Variants in OR2T1 observed in about 807,000 individuals in gnomAD.
OR2T1 encodes olfactory receptor family 2 subfamily T member 1, also known as olfactory receptor 2T1.
For missense variants in OR2T1, 440 were observed against 390.2 expected (o/e 1.13, Z -1.07); for synonymous variants, 186 against 145.4 (o/e 1.28, Z -2.01).
chr1:248,406,239 C>G lies in OR2T1; in HGVS notation c.92C>G (p.Ser31Cys), dbSNP rs142206098. The change falls in exon 2 of 2, where the codon TCT becomes TGT. Residue 31 changes from serine (S) to cysteine (C), a missense_variant. Physicochemically the swap from Ser to Cys is moderately radical, Grantham distance 112. Coordinates refer to ENST00000642005, the MANE Select transcript of OR2T1 (RefSeq NM_030904.2). ...TCAGGTCTTATTTTTGCCATCATCT[C>G]TATCATCTTCTTCACCGCACTGATG... Reference protein sequence around the residue: ...ETSGLIFAIISIIFFTALMAN... With the variant: ...ETSGLIFAIICIIFFTALMAN... 1.9e-5 allele frequency: 30 copies of G among 1,614,138 alleles called. No individual in the cohort carries two copies. In the African/African-American group the frequency reaches 3.5e-4, roughly 19 times the overall value.
At chr1:248,404,296 T>C (rs915287403) in intron 1 of OR2T1, among the ~76,000 whole-genome samples, 1 of 22 alleles carries the variant, frequency 0.045, no homozygotes, top group Non-Finnish European at 0.1. Context: ...CTGTTTCTGG[T>C]GTCTTATCGC....
chr1:248,406,863 C>CT lies in OR2T1; in HGVS notation c.718dup (p.Cys240LeufsTer53), dbSNP rs753206477. On this transcript the variant is annotated frameshift_variant, in exon 2 of 2. Transcript: ENST00000642005. LOFTEE classifies it low-confidence loss of function (END_TRUNC). Reference sequence around the variant, plus strand: ...GAGGGCAGGAAGAAGGCATTTGCCACTTGCTCATCCCACATGACTGTGGTG... The same window carrying CT: ...GAGGGCAGGAAGAAGGCATTTGCCACTTTGCTCATCCCACATGACTGTGGTG... The CT allele has an allele frequency of 1.2e-6, 2 of 1,614,162 alleles. No individual in the cohort carries two copies. Among genetic ancestry groups the CT allele is most frequent in the Non-Finnish European group, 1.7e-6 (2 of 1,180,008 alleles).
rs370747210 is a variant in OR2T1, at chr1:248,406,890, C to G, written c.743C>G (p.Ser248Cys). Residue 248 changes from serine (S) to cysteine (C), a missense_variant, in exon 2 of 2, where the codon TCC becomes TGC. Ser to Cys is a moderately radical substitution (Grantham distance 112). Transcript: ENST00000642005. ...ATCSSHMTVV[S>C]LFYGAAMYTY... Reference sequence around the variant, plus strand: ...TGCTCATCCCACATGACTGTGGTGTCCTTGTTCTACGGGGCTGCCATGTAC... The same window carrying G: ...TGCTCATCCCACATGACTGTGGTGTGCTTGTTCTACGGGGCTGCCATGTAC... 6.2e-7 allele frequency: 1 copy of G among 1,613,948 alleles called. No homozygotes were observed. Among genetic ancestry groups the G allele is most frequent in the African/African-American group, 1.3e-5 (1 of 74,924 alleles).
Position 248,406,152 on chromosome 1 carries a change from A to C in OR2T1, c.5A>C (p.Glu2Ala), listed in dbSNP as rs752216342. The C allele has an allele frequency of 6.2e-7, 1 of 1,614,054 alleles. No individual in the cohort carries two copies. The highest frequency in any genetic ancestry group is 2.2e-5 in the East Asian group (1 of 44,882). ...ATCGGCACAACTGTAGGATCAATGG[A>C]AGAGTACAACACATCCTCTACAGAC... M[E>A]EYNTSSTDFT... Residue 2 changes from glutamate (E) to alanine (A), a missense_variant, in exon 2 of 2, where the codon GAA becomes GCA. By Grantham distance (107) the Glu-to-Ala change is moderately radical. Transcript: ENST00000642005.
chr1:248,404,197 T>G (rs1661499476), intron 1 of OR2T1, among the ~76,000 whole-genome samples: 1 of 178 alleles, frequency 5.6e-3, no homozygotes, highest in African/African-American at 0.017. Context: ...TACATATACG[T>G]GTGTGTGTGT....
intron 1 of OR2T1, chr1:248,405,878 T>G: frequency 1.2e-6 from 1 of 830,042 alleles, no homozygotes; most frequent in Non-Finnish European, 1.9e-6. Flanking sequence ...ATCATCGTAA[T>G]ACAGTATCAT....
chr1:248,406,898 T>C lies in OR2T1; in HGVS notation c.751T>C (p.Tyr251His). 6.2e-7 allele frequency: 1 copy of C among 1,614,118 alleles called. No individual in the cohort carries two copies. Among genetic ancestry groups the C allele is most frequent in the Non-Finnish European group, 8.5e-7 (1 of 1,179,980 alleles). ...SSHMTVVSLF[Y>H]GAAMYTYMLP... is the part of the protein sequence containing the mutation. ...CCACATGACTGTGGTGTCCTTGTTCTACGGGGCTGCCATGTACACCTACAT... is the reference window on the plus strand; with the variant it reads ...CCACATGACTGTGGTGTCCTTGTTCCACGGGGCTGCCATGTACACCTACAT... The change falls in exon 2 of 2, where the codon TAC becomes CAC. Residue 251 changes from tyrosine to histidine, a missense_variant. By Grantham distance (83) the Tyr-to-His change is moderately conservative. Coordinates refer to ENST00000642005, the MANE Select transcript of OR2T1 (RefSeq NM_030904.2).
intron 1 of OR2T1, among the ~76,000 whole-genome samples, chr1:248,405,196 G>A (rs760023703): frequency 6.6e-6 from 1 of 152,104 alleles, no homozygotes; most frequent in Non-Finnish European, 1.5e-5. Flanking sequence ...CTTAAACAAT[G>A]TGAAAAATCA....
Position 248,404,546 on chromosome 1 carries a change from T to TTATATA in OR2T1, c.-34+1310_-34+1315dup, listed in dbSNP as rs1224274738. Among the ~76,000 whole-genome samples the TTATATA allele has an allele frequency of 6.9e-3, 926 of 135,166 alleles. 25 individuals are homozygous for TTATATA. The highest frequency in any genetic ancestry group is 0.021 in the African/African-American group (820 of 39,316). 88.7% of individuals were successfully genotyped at this position (135,166 alleles called of 152,430 possible). On this transcript the variant is annotated intron_variant, in intron 1 of 1. Transcript: ENST00000642005. ...ATATTCTGAATTAGCAAAATATACA[T>TTATATA]TATATATATATATAAAATATACATA...
In OR2T1 at chr1:248,403,946, A is replaced by T. The variant is rs909595620; in HGVS notation, c.-34+701A>T. On this transcript the variant is annotated intron_variant, in intron 1 of 1. Transcript: ENST00000642005. ...ATAGAAAAAGCTAGAACCACAGAAG[A>T]GTTACATATATACATATATAAATCT... Among the ~76,000 whole-genome samples, 3 of 152,042 alleles carry T rather than the reference A, an allele frequency of 2.0e-5. No homozygotes were observed. In the East Asian group the frequency reaches 5.8e-4, roughly 29 times the overall value.
rs1350147062 is a variant in OR2T1, at chr1:248,406,846, G to A, written c.699G>A (p.Arg233=). Residue 233 remains arginine (R), a synonymous_variant, in exon 2 of 2, where the codon AGG becomes AGA. Transcript: ENST00000642005. ...TVQCMSSVEG[R]KKAFATCSSH... is the part of the protein sequence containing the mutation. ...AGTGCATGAGCTCAGTGGAGGGCAG[G>A]AAGAAGGCATTTGCCACTTGCTCAT... is the stretch of plus-strand genomic sequence containing the variant. The A allele has an allele frequency of 6.2e-7, 1 of 1,614,068 alleles. No individual in the cohort carries two copies. Among genetic ancestry groups the A allele is most frequent in the Non-Finnish European group, 8.5e-7 (1 of 1,180,032 alleles).
chr1:248,406,788 T>A lies in OR2T1; in HGVS notation c.641T>A (p.Leu214His), dbSNP rs552663318. 6 of 1,614,172 alleles carry A rather than the reference T, an allele frequency of 3.7e-6. No homozygotes were observed. The South Asian group carries it at 6.6e-5, about 18-fold the overall frequency. The change falls in exon 2 of 2, where the codon CTT becomes CAT. Residue 214 changes from leucine (L) to histidine (H), a missense_variant. Physicochemically the swap from Leu to His is moderately conservative, Grantham distance 99. Transcript: ENST00000642005. Reference sequence around the variant, plus strand: ...CTGCTGATTCCTTTCTCTGTAGTCCTTGCTTCCTATGCCCGAATCCTGACT... The same window carrying A: ...CTGCTGATTCCTTTCTCTGTAGTCCATGCTTCCTATGCCCGAATCCTGACT... ...LMLLIPFSVV[L>H]ASYARILTTV... is the part of the protein sequence containing the mutation.
At position 248,406,966 on chromosome 1, in the gene OR2T1, C is replaced by T. The variant is rs762761236; in HGVS notation, c.819C>T (p.Leu273=). 1 of 1,614,148 alleles carries T rather than the reference C, an allele frequency of 6.2e-7. No homozygotes were observed. Among genetic ancestry groups the T allele is most frequent in the South Asian group, 1.1e-5 (1 of 91,086 alleles). ...ACAAGCCAGCCCAGGACAAAGTCCTCTCTGTGTTTTACACCATTCTCACAC... is the reference window on the plus strand; with the variant it reads ...ACAAGCCAGCCCAGGACAAAGTCCTTTCTGTGTTTTACACCATTCTCACAC... The part of the protein sequence containing the change: ...SYHKPAQDKV[L]SVFYTILTPM... The change falls in exon 2 of 2, where the codon CTC becomes CTT. Residue 273 remains leucine, a synonymous_variant. Transcript: ENST00000642005.
intron 1 of OR2T1, among the ~76,000 whole-genome samples, chr1:248,404,375 C>A (rs948912777): frequency 6.6e-6 from 1 of 151,346 alleles, no homozygotes; most frequent in African/African-American, 2.4e-5. Flanking sequence ...ATTTAGGCTG[C>A]GACATAAACT....
intron 1 of OR2T1, among the ~76,000 whole-genome samples, chr1:248,404,245 G>GGCTATTACATATATGTGTGTGTGTATAAA: frequency 6.6e-6 from 1 of 150,970 alleles, no homozygotes; most frequent in African/African-American, 2.4e-5. Context: ...AGACAGCAGA[G>GGCTATTACATATATGTGTGTGTGTATAAA]ACCACTGTTT....
In OR2T1 at chr1:248,406,388, C is replaced by T. The variant is rs1661557507; in HGVS notation, c.241C>T (p.Leu81=). Residue 81 remains leucine, a synonymous_variant, in exon 2 of 2, where the codon CTG becomes TTG. Coordinates refer to ENST00000642005, the MANE Select transcript of OR2T1 (RefSeq NM_030904.2). The part of the protein sequence containing the change: ...MYISTIVPKM[L]VNYLLDQRTI... ...TATTTCCACTATTGTGCCTAAGATGCTGGTTAATTACCTGCTGGATCAAAG... is the reference window on the plus strand; with the variant it reads ...TATTTCCACTATTGTGCCTAAGATGTTGGTTAATTACCTGCTGGATCAAAG... 3.7e-6 allele frequency: 6 copies of T among 1,614,138 alleles called. No individual in the cohort carries two copies. Among genetic ancestry groups the T allele is most frequent in the Non-Finnish European group, 5.1e-6 (6 of 1,180,018 alleles).
In OR2T1 at chr1:248,407,606, G is replaced by T. The variant is rs1231023628; in HGVS notation, c.*502G>T. ...ATCATATTTCTGTGCAATTGTCCAT[G>T]CTTCAATCATGACTATTCAATAAAG... On this transcript the variant is annotated 3_prime_UTR_variant, in exon 2 of 2. Transcript: ENST00000642005. The T allele has an allele frequency of 6.5e-6, 1 of 154,166 alleles. No homozygotes were observed. The highest frequency in any genetic ancestry group is 2.4e-5 in the African/African-American group (1 of 41,480). 9.5% of individuals were successfully genotyped at this position (154,166 alleles called of 1,614,324 possible). A position where few individuals can be genotyped will look rare whatever the true frequency, so the allele number is the denominator to read the frequency against.
chr1:248,404,561 A>T (rs989113300), intron 1 of OR2T1, among the ~76,000 whole-genome samples: 8 of 110,494 alleles, frequency 7.2e-5, no homozygotes, highest in African/African-American at 2.0e-4. Flanking sequence ...TATATATATA[A>T]AATATACATA....
chr1:248,406,936 T>C lies in OR2T1; in HGVS notation c.789T>C (p.Ser263=), dbSNP rs772259925. 6.2e-7 allele frequency: 1 copy of C among 1,614,164 alleles called. No individual in the cohort carries two copies. The highest frequency in any genetic ancestry group is 2.2e-5 in the East Asian group (1 of 44,886). ...TGTACACCTACATGCTGCCACATTC[T>C]TACCACAAGCCAGCCCAGGACAAAG... The part of the protein sequence containing the change: ...AAMYTYMLPH[S]YHKPAQDKVL... Residue 263 remains serine (S), a synonymous_variant, in exon 2 of 2, where the codon TCT becomes TCC. Transcript: ENST00000642005.
Sources: allele counts gnomAD v4.1 joint callset (sites outside exome capture counted in the v4.1 genomes callset), GRCh38; gene constraint gnomAD v4.1.1; transcripts MANE v1.5; gene names NCBI Gene and HGNC (gene_info 2026-07-23, HGNC 2026-07-21).